The following UBAC2 variants were observed in gnomAD, a reference collection of about 807,000 sequenced individuals.
UBAC2 encodes UBA domain containing 2, also known as ubiquitin-associated domain-containing protein 2.
Under a neutral mutation model 44.0 loss-of-function variants are expected in UBAC2, and 26 were observed. That is an observed-to-expected ratio of 0.59 (90% CI 0.43 to 0.82). The LOEUF is 0.82. UBAC2 is among the 40% of genes least tolerant of loss of function. UBAC2 has a pLI of 0.00. For missense variants in UBAC2, 329 were observed against 419.4 expected, an observed-to-expected ratio of 0.78 and a Z score of 1.88; for synonymous variants, 155 against 154.3, an observed-to-expected ratio of 1.00 and a Z score of -0.04.
At chr13:99,279,237 GA>G (rs1319185802) in intron 4 of UBAC2, among the ~76,000 whole-genome samples, 1 of 152,054 alleles carries the variant, frequency 6.6e-6, no homozygotes, top group African/African-American at 2.4e-5. Context: ...CCCTACCGGG[GA>G]TTTTAGTAAA....
chr13:99,342,833 TCA>T (rs1332955428), intron 7 of UBAC2, among the ~76,000 whole-genome samples: 8 of 152,182 alleles, frequency 5.3e-5, no homozygotes, highest in African/African-American at 1.7e-4. Context: ...CCACTTCTCT[TCA>T]CACAGAGTTG....
intron 1 of UBAC2, among the ~76,000 whole-genome samples, chr13:99,211,160 T>C (rs568285042): frequency 4.6e-5 from 7 of 152,352 alleles, no homozygotes; most frequent in African/African-American, 1.4e-4. Flanking sequence ...TCTTAAGTTA[T>C]TACATTTCGT....
At chr13:99,367,599 G>A (rs543133659) in intron 7 of UBAC2, among the ~76,000 whole-genome samples, 188 bp from the exon 8 acceptor site, 1 of 152,216 alleles carries the variant, frequency 6.6e-6, no homozygotes, top group Non-Finnish European at 1.5e-5. Context: ...ACTGCAGGCT[G>A]CCAATTTTGT....
intron 1 of UBAC2, among the ~76,000 whole-genome samples, chr13:99,204,219 A>AG (rs2042840404): frequency 2.6e-5 from 4 of 152,210 alleles, no homozygotes. Context: ...TTTTTAAAAA[A>AG]GAACGTTTGT....
intron 4 of UBAC2, among the ~76,000 whole-genome samples, chr13:99,301,134 A>G (rs2044251081): frequency 6.6e-6 from 1 of 152,248 alleles, no homozygotes; most frequent in Non-Finnish European, 1.5e-5. Context: ...TCTAATGAAA[A>G]GATGCACGTG....
At chr13:99,328,179 A>G (rs2044666421) in intron 6 of UBAC2, among the ~76,000 whole-genome samples, 3 of 152,192 alleles carry the variant, frequency 2.0e-5, no homozygotes, top group Admixed American at 2.0e-4. Flanking sequence ...TTCATTTATT[A>G]TTGTATTAAG....
chr13:99,247,873 CTT>C (rs10630757), intron 4 of UBAC2, among the ~76,000 whole-genome samples: 1 of 148,710 alleles, frequency 6.7e-6, no homozygotes. Flanking sequence ...CTCTCTCTCT[CTT>C]TTTTTTTTTA....
chr13:99,235,557 A>G (rs1047499004), intron 1 of UBAC2, among the ~76,000 whole-genome samples: 5 of 152,206 alleles, frequency 3.3e-5, no homozygotes, highest in African/African-American at 1.2e-4. Flanking sequence ...TCAGCAGGAT[A>G]CTCACATAAA....
chr13:99,314,353 A>G, intron 5 of UBAC2, 133 bp downstream of exon 5: 2 of 1,042,378 alleles, frequency 1.9e-6, no homozygotes, highest in East Asian at 2.6e-5. Context: ...CATGATCTAT[A>G]TCAAATGTTT....
At chr13:99,243,043 A>C (rs2043338298) in intron 2 of UBAC2, among the ~76,000 whole-genome samples, 1 of 152,118 alleles carries the variant, frequency 6.6e-6, no homozygotes, top group Admixed American at 6.5e-5. Context: ...AGCCAGCAAA[A>C]TTTTAACTTT....
At chr13:99,343,168 G>T (rs1177600944) in intron 7 of UBAC2, among the ~76,000 whole-genome samples, 1 of 152,220 alleles carries the variant, frequency 6.6e-6, no homozygotes, top group Non-Finnish European at 1.5e-5. Context: ...ATGGGTTTCT[G>T]TCGGCCCACC....
chr13:99,335,293 G>A lies in UBAC2; in HGVS notation c.562-5027G>A, dbSNP rs111537409. Among the ~76,000 whole-genome samples the A allele has an allele frequency of 2.0e-4, 31 of 151,654 alleles. No homozygotes were observed. The East Asian group carries it at 3.7e-3, about 18-fold the overall frequency. On this transcript the variant is annotated intron_variant, in intron 6 of 8. Transcript: ENST00000403766. ...TTTTGCTATCTTCTGCTGAATCAGC[G>A]TAATGCTGATATACACCCTATTTTC...
At chr13:99,215,609 A>G in intron 1 of UBAC2, 3 of 1,306,496 alleles carry the variant, frequency 2.3e-6, no homozygotes, top group Non-Finnish European at 3.3e-6. Context: ...ACACAGCGGC[A>G]GTTGCACCCA....
intron 1 of UBAC2, among the ~76,000 whole-genome samples, chr13:99,210,759 G>GCC: frequency 6.6e-6 from 1 of 152,214 alleles, no homozygotes; most frequent in Middle Eastern, 3.4e-3. Context: ...TTACAGGCTT[G>GCC]AACCACCACG....
rs572850885 is a variant in UBAC2 at position 99,358,492 on chromosome 13, G to A, written c.808-9295G>A. ...CCACTCTTCTCAGTAATTCTGTTTG[G>A]GAAAACATGGTTATTTTTTATTTCA... is the stretch of plus-strand genomic sequence containing the variant. On this transcript the variant is annotated intron_variant, in intron 7 of 8. Coordinates refer to ENST00000403766, the MANE Select transcript of UBAC2 (RefSeq NM_001144072.2). Among the ~76,000 whole-genome samples, 60 of 152,228 alleles carry A rather than the reference G, an allele frequency of 3.9e-4. 1 individual carries two copies. The highest frequency in any genetic ancestry group is 1.4e-3 in the African/African-American group (60 of 41,518).
chr13:99,242,614 T>C (rs1459098894), intron 2 of UBAC2, among the ~76,000 whole-genome samples: 7 of 88,394 alleles, frequency 7.9e-5, no homozygotes, highest in African/African-American at 1.8e-4. Context: ...CCAGACGGGG[T>C]GGCTGGCCAG....
chr13:99,321,244 G>C (rs2044564089), intron 6 of UBAC2, among the ~76,000 whole-genome samples: 1 of 152,206 alleles, frequency 6.6e-6, no homozygotes, highest in East Asian at 1.9e-4. Context: ...TGCTTTTCTG[G>C]AAAGCTGCCA....
chr13:99,265,183 C>T (rs1054523415), intron 4 of UBAC2, among the ~76,000 whole-genome samples: 2 of 152,148 alleles, frequency 1.3e-5, no homozygotes, highest in African/African-American at 4.8e-5. Flanking sequence ...ACTAGTACTC[C>T]ATTCAGTTGA....
chr13:99,263,107 A>G (rs2043691763), intron 4 of UBAC2, among the ~76,000 whole-genome samples: 1 of 152,186 alleles, frequency 6.6e-6, no homozygotes, highest in Non-Finnish European at 1.5e-5. Context: ...TGTATTTTGC[A>G]TTATAATATT....
Sources: gnomAD v4.1 joint callset for allele counts (sites outside exome capture counted in the v4.1 genomes callset) on GRCh38, gnomAD v4.1.1 for gene constraint, MANE v1.5 for transcripts, NCBI Gene and HGNC (gene_info 2026-07-23, HGNC 2026-07-21) for gene names.